The following ZFHX3 variants were observed in gnomAD, a reference collection of about 807,000 sequenced individuals.
ZFHX3 encodes zinc finger homeobox 3.
Under a neutral mutation model 279.1 loss-of-function variants are expected in ZFHX3, and 42 were observed. That is an observed-to-expected ratio of 0.15 (90% confidence interval 0.12 to 0.19). The LOEUF is 0.19. Ranked by LOEUF, ZFHX3 falls within the 10% of genes least tolerant of loss-of-function variation. The probability of loss-of-function intolerance (pLI) is 1.00; values close to 1 mark genes in which losing one functional copy is unlikely to be tolerated. For missense variants in ZFHX3, 4,981 were observed against 4,754.0 expected, an observed-to-expected ratio of 1.05 and a Z score of -1.40; for synonymous variants, 2,293 against 1,957.8, an observed-to-expected ratio of 1.17 and a Z score of -4.52.
At chr16:73,784,716 C>T (rs976497860) in intron 1 of ZFHX3, among the ~76,000 whole-genome samples, 2 of 151,090 alleles carry the variant, frequency 1.3e-5, no homozygotes, top group South Asian at 2.1e-4. Context: ...CACTGCACTC[C>T]AGCCTGGTGA....
At chr16:73,311,400 G>T (rs1188686331) in intron 4 of ZFHX3, among the ~76,000 whole-genome samples, 8 of 151,966 alleles carry the variant, frequency 5.3e-5, no homozygotes, top group Non-Finnish European at 1.0e-4. Context: ...TTCGAGACCA[G>T]CCTGGCCAAC....
At chr16:73,256,408 A>C (rs562907820) in intron 5 of ZFHX3, among the ~76,000 whole-genome samples, 14 of 152,348 alleles carry the variant, frequency 9.2e-5, no homozygotes, top group African/African-American at 2.4e-4. Flanking sequence ...TTGAATGTAC[A>C]TGTGAACAAT....
chr16:72,927,949 GT>G (rs1959549718), intron 3 of ZFHX3, among the ~76,000 whole-genome samples: 1 of 147,202 alleles, frequency 6.8e-6, no homozygotes, highest in Non-Finnish European at 1.5e-5. Flanking sequence ...CTCAGTAATT[GT>G]TTAATTCCTG....
At chr16:73,769,845 A>T (rs985967885) in intron 1 of ZFHX3, among the ~76,000 whole-genome samples, 21 of 152,188 alleles carry the variant, frequency 1.4e-4, no homozygotes, top group African/African-American at 5.1e-4. Context: ...TTATTGAACC[A>T]TTTATTTGGC....
At chr16:72,901,936 TA>T (rs1467116763) in intron 3 of ZFHX3, among the ~76,000 whole-genome samples, 1 of 152,172 alleles carries the variant, frequency 6.6e-6, no homozygotes, top group Non-Finnish European at 1.5e-5. Context: ...TAAGTCTCAT[TA>T]AAAGCCGATA....
chr16:73,204,540 C>T (rs1205086700), intron 5 of ZFHX3, among the ~76,000 whole-genome samples: 2 of 152,210 alleles, frequency 1.3e-5, no homozygotes, highest in South Asian at 2.1e-4. Context: ...AGTGGTAATG[C>T]GAGTGACGGG....
chr16:73,499,986 A>G (rs1259386576), intron 2 of ZFHX3: 1 of 152,238 alleles, frequency 6.6e-6, no homozygotes, highest in East Asian at 1.9e-4. Context: ...ACATACAATT[A>G]TATACAGTAC....
chr16:73,454,199 C>T (rs745694945), intron 3 of ZFHX3, among the ~76,000 whole-genome samples: 12 of 152,170 alleles, frequency 7.9e-5, no homozygotes, highest in Admixed American at 2.6e-4. Flanking sequence ...GTGTGCATGG[C>T]AACAATAGAT....
rs1310439631 is a variant in ZFHX3, at chr16:72,796,408, T to TCGGCATGGAGAGCTGGGTGAG, written c.6253_6273dup (p.Leu2085_Pro2091dup). 6.2e-7 allele frequency: 1 copy of TCGGCATGGAGAGCTGGGTGAG among 1,612,252 alleles called. No homozygotes were observed. Among genetic ancestry groups the TCGGCATGGAGAGCTGGGTGAG allele is most frequent in the Non-Finnish European group, 8.5e-7 (1 of 1,179,990 alleles). ...AGCGGCGAGAAGATGGGCAGCTCCA[T>TCGGCATGGAGAGCTGGGTGAG]CGGCATGGAGAGCTGGGTGAGCGGC... On this transcript the variant is annotated inframe_insertion, in exon 9 of 10. Coordinates refer to ENST00000268489, the MANE Select transcript of ZFHX3 (RefSeq NM_006885.4).
At chr16:73,042,599 C>G (rs1162490518) in intron 1 of ZFHX3, among the ~76,000 whole-genome samples, 1 of 151,778 alleles carries the variant, frequency 6.6e-6, no homozygotes, top group African/African-American at 2.4e-5. Context: ...TACTCAATAA[C>G]TAACACCCTC....
intron 3 of ZFHX3, among the ~76,000 whole-genome samples, chr16:73,384,377 G>A (rs960993978): frequency 1.3e-5 from 2 of 152,250 alleles, no homozygotes; most frequent in East Asian, 1.9e-4. Context: ...TCTAGGCAAC[G>A]TCCTGGATTT....
At chr16:73,877,190 G>A (rs972991373) in intron 1 of ZFHX3, among the ~76,000 whole-genome samples, 5 of 135,906 alleles carry the variant, frequency 3.7e-5, no homozygotes, top group Non-Finnish European at 7.9e-5. Flanking sequence ...GGTTGGGTTC[G>A]GGGGGTTAGG....
chr16:73,031,252 A>T (rs2144676185), intron 1 of ZFHX3, among the ~76,000 whole-genome samples: 1 of 152,218 alleles, frequency 6.6e-6, no homozygotes, highest in Middle Eastern at 3.4e-3. Flanking sequence ...GAAATATCCC[A>T]GGTAGCCGAC....
At chr16:73,664,084 C>A (rs544335524) in intron 2 of ZFHX3, among the ~76,000 whole-genome samples, 4 of 152,292 alleles carry the variant, frequency 2.6e-5, no homozygotes, top group Admixed American at 1.3e-4. Flanking sequence ...AAGGGAATGT[C>A]ATTTTTAAAA....
intron 3 of ZFHX3, among the ~76,000 whole-genome samples, chr16:72,935,329 T>A (rs1960059791): frequency 1.3e-5 from 2 of 149,634 alleles, no homozygotes; most frequent in Admixed American, 6.6e-5. Flanking sequence ...GTAAGCATCA[T>A]TCAGACAAAG....
At chr16:73,278,209 T>C (rs1435818663) in intron 4 of ZFHX3, among the ~76,000 whole-genome samples, 1 of 152,212 alleles carries the variant, frequency 6.6e-6, no homozygotes, top group Non-Finnish European at 1.5e-5. Context: ...ACTAAATAAT[T>C]ATACTGATAT....
At chr16:72,928,032 TG>T (rs1959556180) in intron 3 of ZFHX3, among the ~76,000 whole-genome samples, 1 of 142,178 alleles carries the variant, frequency 7.0e-6, no homozygotes, top group Non-Finnish European at 1.5e-5. Flanking sequence ...CAGTGCCCCC[TG>T]GGGCTGGCAC....
At chr16:73,440,312 C>T (rs1364037314) in intron 3 of ZFHX3, among the ~76,000 whole-genome samples, 3 of 152,170 alleles carry the variant, frequency 2.0e-5, no homozygotes, top group Non-Finnish European at 2.9e-5. Flanking sequence ...TCCAGACAAA[C>T]GAGTGTGTCC....
chr16:73,072,369 AG>A (rs1358418462), intron 8 of ZFHX3, among the ~76,000 whole-genome samples: 1 of 148,996 alleles, frequency 6.7e-6, no homozygotes, highest in African/African-American at 2.5e-5. Flanking sequence ...GCTTGAACCC[AG>A]GGGGTGGAAG....
Sources: gnomAD v4.1 joint callset for allele counts (sites outside exome capture counted in the v4.1 genomes callset) on GRCh38, gnomAD v4.1.1 for gene constraint, MANE v1.5 for transcripts, NCBI Gene and HGNC (gene_info 2026-07-23, HGNC 2026-07-21) for gene names.